The following TMEM214 variants were observed in gnomAD, a reference collection of about 807,000 sequenced individuals.
The protein encoded by TMEM214 is transmembrane protein 214.
A neutral mutation model predicts 89.8 loss-of-function variants in TMEM214; 71 were observed. The ratio of observed to expected loss-of-function variants is 0.79; its 90% confidence interval spans 0.65 to 0.96. TMEM214 has a LOEUF of 0.96. TMEM214 is among the 40% of genes least tolerant of loss of function. The pLI is 0.00. For missense variants in TMEM214, 754 were observed against 843.4 expected, an observed-to-expected ratio of 0.89 and a Z score of 1.31; for synonymous variants, 332 against 349.5, an observed-to-expected ratio of 0.95 and a Z score of 0.56.
rs746953626 is a variant in TMEM214 at position 27,037,714 on chromosome 2, G to C, written c.1152+12G>C. 2 of 1,614,108 alleles carry C rather than the reference G, an allele frequency of 1.2e-6. No individual in the cohort carries two copies. Among genetic ancestry groups the C allele is most frequent in the South Asian group, 2.2e-5 (2 of 91,078 alleles). ...AGATGAAGAAAGAGGTGAGGATATGGTGGGAGGCTTTTTCTCCTTCCCCAG... is the reference window on the plus strand; with the variant it reads ...AGATGAAGAAAGAGGTGAGGATATGCTGGGAGGCTTTTTCTCCTTCCCCAG... On this transcript the variant is annotated intron_variant, in intron 9 of 16. Coordinates refer to ENST00000238788, the MANE Select transcript of TMEM214 (RefSeq NM_017727.5).
chr2:27,036,896 C>G, intron 7 of TMEM214, 110 bp downstream of exon 7: 1 of 1,213,896 alleles, frequency 8.2e-7, no homozygotes, highest in Non-Finnish European at 1.2e-6. Context: ...AAAATCAGGA[C>G]CAGCTTCTCC....
intron 7 of TMEM214, 62 bp from the exon 8 acceptor site, chr2:27,037,015 C>A: frequency 6.7e-7 from 1 of 1,481,530 alleles, no homozygotes; most frequent in Non-Finnish European, 9.4e-7. Context: ...TAGCTGGGGT[C>A]ATGGCCAAAA....
rs564662848 is a variant in TMEM214 at position 27,037,912 on chromosome 2, C to T, written c.1152+210C>T. 9.4e-5 allele frequency: 146 copies of T among 1,550,136 alleles called. 3 individuals carry two copies. In the African/African-American group the frequency reaches 1.6e-3, roughly 17 times the overall value. ...ATTCAGGTCTGGGTGGTTTCTGATG[C>T]CCGTCTCTTGCAGATAGTGATCTTT... On this transcript the variant is annotated intron_variant, in intron 9 of 16. Transcript: ENST00000238788.
chr2:27,040,142 C>T lies in TMEM214; in HGVS notation c.1735C>T (p.His579Tyr). 6.2e-7 allele frequency: 1 copy of T among 1,608,342 alleles called. No individual in the cohort carries two copies. Among genetic ancestry groups the T allele is most frequent in the Non-Finnish European group, 8.5e-7 (1 of 1,180,014 alleles). The change falls in exon 15 of 17, where the codon CAC becomes TAC. Residue 579 changes from histidine (H) to tyrosine (Y), a missense_variant. Transcript: ENST00000238788. ...TGCCACAGTCAGCTTCCTTTCTGCCCACTGTGCCTCTCACCTTGCGTGGTT... is the reference window on the plus strand; with the variant it reads ...TGCCACAGTCAGCTTCCTTTCTGCCTACTGTGCCTCTCACCTTGCGTGGTT... ...TNATVSFLSAHCASHLAWFGD... is the reference protein window; with the variant it reads ...TNATVSFLSAYCASHLAWFGD...
At position 27,035,755 on chromosome 2, in the gene TMEM214, A is replaced by G. The variant is rs555226165; in HGVS notation, c.637+27A>G. ...TGAAAGGGGCACGGGAGGGATGACC[A>G]TCTTGGGAGCCTCCTCCTTTTTTTC... On this transcript the variant is annotated intron_variant, in intron 4 of 16. Transcript: ENST00000238788. 36 of 1,613,728 alleles carry G rather than the reference A, an allele frequency of 2.2e-5. No individual in the cohort carries two copies. In the South Asian group the frequency reaches 3.4e-4, roughly 15 times the overall value.
Position 27,038,447 on chromosome 2 carries a change from C to T in TMEM214, c.1245-37C>T, listed in dbSNP as rs144175132. On this transcript the variant is annotated intron_variant, in intron 10 of 16. Coordinates refer to ENST00000238788, the MANE Select transcript of TMEM214 (RefSeq NM_017727.5). The surrounding 1 kb of genome is among the most constrained non-coding windows in gnomAD (Gnocchi z 4.4). ...GGACAGGAGGATGGGTGAGGCTGCG[C>T]GAGCCACCTGACTAGGGGGTTGTGC... 10,822 of 1,612,642 alleles carry T rather than the reference C, an allele frequency of 6.7e-3. 63 individuals are homozygous for T. Among genetic ancestry groups the T allele is most frequent in the Middle Eastern group, 0.011 (60 of 5,390 alleles).
In TMEM214 at chr2:27,041,363, C is replaced by G. The variant is rs1217219351; in HGVS notation, c.*526C>G. 1 of 154,782 alleles carries G rather than the reference C, an allele frequency of 6.5e-6. No homozygotes were observed. The highest frequency in any genetic ancestry group is 1.5e-5 in the Non-Finnish European group (1 of 68,810). The allele number at this position is 154,782 out of a possible 1,614,324, so 9.6% of individuals were successfully genotyped here. ...CAGCAGCCTCACCTCCACCTGAAGC[C>G]TGGGTGTGGCTGTCAGTGGACATGG... On this transcript the variant is annotated 3_prime_UTR_variant, in exon 17 of 17. Coordinates refer to ENST00000238788, the MANE Select transcript of TMEM214 (RefSeq NM_017727.5).
At chr2:27,033,916 C>CT in intron 1 of TMEM214, 151 bp from the exon 2 acceptor site, 1 of 806,332 alleles carries the variant, frequency 1.2e-6, no homozygotes, top group Non-Finnish European at 2.0e-6. Context: ...ACAGCCTGCC[C>CT]TGCTCCTTAA....
At chr2:27,039,339 G>T (rs1045933064) in intron 13 of TMEM214, 175 bp downstream of exon 13, 7 of 614,718 alleles carry the variant, frequency 1.1e-5, no homozygotes, top group African/African-American at 9.2e-5. Context: ...TACCATTTCA[G>T]ATTGGACTAG....
chr2:27,039,981 G>A, intron 14 of TMEM214, 49 bp from the exon 15 acceptor site: 1 of 1,591,792 alleles, frequency 6.3e-7, no homozygotes, highest in Non-Finnish European at 8.5e-7. Flanking sequence ...GGAGCTAAGT[G>A]GGCCTGAGGA....
chr2:27,040,525 GATCCCCAGCAGCCCC>G (rs1205517279), intron 16 of TMEM214, 29 bp downstream of exon 16: 10 of 1,608,294 alleles, frequency 6.2e-6, no homozygotes, highest in Middle Eastern at 1.7e-4. Context: ...GCTCCGGCAG[GATCCCCAGCAGCCCC>G]ATTCCCGGGC....
At chr2:27,033,681 T>A (rs1667430023) in intron 1 of TMEM214, among the ~76,000 whole-genome samples, 1 of 152,126 alleles carries the variant, frequency 6.6e-6, no homozygotes, top group Non-Finnish European at 1.5e-5. Flanking sequence ...TTGCCACTTG[T>A]TGATTATAGA....
At position 27,038,111 on chromosome 2, in the gene TMEM214, C is replaced by A. The variant is rs1393622098; in HGVS notation, c.1153-35C>A. 6.2e-7 allele frequency: 1 copy of A among 1,613,682 alleles called. No individual in the cohort carries two copies. Among genetic ancestry groups the A allele is most frequent in the Non-Finnish European group, 8.5e-7 (1 of 1,179,892 alleles). ...ACTCCCCGCCTCTGCCAGCCCCATG[C>A]CCCCAGCAGCCTCTCCCTCTGTCGT... On this transcript the variant is annotated intron_variant, in intron 9 of 16. Transcript: ENST00000238788. This position sits in a 1 kb window ranked among gnomAD's most constrained non-coding sequence, Gnocchi z 4.4.
At chr2:27,039,905 G>C in intron 14 of TMEM214, 68 bp downstream of exon 14, 1 of 1,390,250 alleles carries the variant, frequency 7.2e-7, no homozygotes, top group Admixed American at 1.8e-5. Context: ...GGGAGGAGGC[G>C]ACAGTCAGTG....
chr2:27,039,648 G>A (rs981394751), intron 13 of TMEM214, 93 bp from the exon 14 acceptor site: 12 of 1,097,212 alleles, frequency 1.1e-5, no homozygotes, highest in Middle Eastern at 2.0e-4. Context: ...TCTGCCCAGC[G>A]CCTCGCTGTG....
chr2:27,039,596 G>A, intron 13 of TMEM214, 145 bp from the exon 14 acceptor site: 2 of 739,776 alleles, frequency 2.7e-6, no homozygotes, highest in Non-Finnish European at 4.8e-6. Context: ...TCCCTCCACA[G>A]CAGCCTGGAG....
rs1667673773 is a variant in TMEM214 at position 27,038,549 on chromosome 2, A to T, written c.1293+17A>T. 6.2e-7 allele frequency: 1 copy of T among 1,613,770 alleles called. No individual in the cohort carries two copies. The highest frequency in any genetic ancestry group is 8.5e-7 in the Non-Finnish European group (1 of 1,179,918). On this transcript the variant is annotated intron_variant, in intron 11 of 16. Coordinates refer to ENST00000238788, the MANE Select transcript of TMEM214 (RefSeq NM_017727.5). This position sits in a 1 kb window ranked among gnomAD's most constrained non-coding sequence, Gnocchi z 4.4. ...CCCAAGAAGGTGAGGAGCTGGGAGG[A>T]CGTGGCAGGTTGAGCCCTGTCTGGA...
intron 2 of TMEM214, 67 bp downstream of exon 2, chr2:27,034,333 G>A (rs1343492013): frequency 6.5e-7 from 1 of 1,545,702 alleles, no homozygotes; most frequent in Non-Finnish European, 8.8e-7. Context: ...ATGAGAGGAG[G>A]GGGAGGTGGA....
chr2:27,038,040 T>C lies in TMEM214; in HGVS notation c.1153-106T>C. 6.2e-7 allele frequency: 1 copy of C among 1,610,552 alleles called. No homozygotes were observed. The highest frequency in any genetic ancestry group is 8.5e-7 in the Non-Finnish European group (1 of 1,179,126). On this transcript the variant is annotated intron_variant, in intron 9 of 16. Transcript: ENST00000238788. This position sits in a 1 kb window ranked among gnomAD's most constrained non-coding sequence, Gnocchi z 4.4. ...GTTTCTCCACCCCTTAGGGTGGATG[T>C]GCGGCCTGGATGGCCTTGCTTACGG...
Sources: allele counts gnomAD v4.1 joint callset (sites outside exome capture counted in the v4.1 genomes callset), GRCh38; gene constraint gnomAD v4.1.1; non-coding constraint Gnocchi (gnomAD v3.1); transcripts MANE v1.5; gene names NCBI Gene and HGNC (gene_info 2026-07-23, HGNC 2026-07-21).